STAMBPL1: variants seen among roughly 807,000 people sequenced by gnomAD.
The protein encoded by STAMBPL1 is AMSH-like protease.
Under a neutral mutation model 52.9 loss-of-function variants are expected in STAMBPL1, and 44 were observed. That is an observed-to-expected ratio of 0.83 (90% CI 0.65 to 1.07). STAMBPL1 has a LOEUF of 1.07. Among genes scored for constraint, STAMBPL1 ranks in the 50% least tolerant of loss-of-function variants. STAMBPL1 has a pLI of 0.00. For synonymous variants in STAMBPL1, 164 were observed against 177.3 expected (o/e 0.92, Z 0.60); for missense variants, 511 against 520.8 (o/e 0.98, Z 0.18).
Position 88,895,718 on chromosome 10 carries a change from C to G in STAMBPL1, c.-53-5938C>G, listed in dbSNP as rs78923869. ...GGTTAAATAAGCTGCTGTAGCACTC[C>G]CAACTAGTGATAGAAACTGGCCCCT... On this transcript the variant is annotated intron_variant, in intron 1 of 10. Transcript: ENST00000371926. 5.5e-3 allele frequency among the ~76,000 whole-genome samples: 843 copies of G among 152,260 alleles called. 19 individuals carry two copies. The highest frequency in any genetic ancestry group is 0.053 in the East Asian group (277 of 5,182).
Position 88,921,366 on chromosome 10 carries a change from T to G in STAMBPL1, c.1125T>G (p.Ile375Met), listed in dbSNP as rs1341530839. 6.2e-7 allele frequency: 1 copy of G among 1,613,264 alleles called. No homozygotes were observed. Among genetic ancestry groups the G allele is most frequent in the South Asian group, 1.1e-5 (1 of 91,070 alleles). ...CSYQLMLPEA[I>M]AIVCSPKHKD... Reference sequence around the variant, plus strand: ...ATCAACTCATGTTGCCAGAGGCCATTGCCATTGTTTGCTCACCAAAGCATA... The same window carrying G: ...ATCAACTCATGTTGCCAGAGGCCATGGCCATTGTTTGCTCACCAAAGCATA... The change falls in exon 9 of 11, where the codon ATT (isoleucine) becomes ATG (methionine). Residue 375 changes from isoleucine to methionine, a missense_variant. By Grantham distance (10) the Ile-to-Met change is conservative. Around this residue, in one of 3 missense-constraint regions of STAMBPL1, gnomAD observed 137 missense variants for 139.9 expected, o/e 0.98. Transcript: ENST00000371926.
chr10:88,913,186 A>G lies in STAMBPL1; in HGVS notation c.506A>G (p.Gln169Arg), dbSNP rs748001742. 6.2e-7 allele frequency: 1 copy of G among 1,613,854 alleles called. No homozygotes were observed. Among genetic ancestry groups the G allele is most frequent in the Admixed American group, 1.7e-5 (1 of 59,966 alleles). ...AGGAAGCGGATTGCTCAGATGCGCC[A>G]GCAGCAGCTAGAATCGGAGCAGTTT... is the stretch of plus-strand genomic sequence containing the variant. ...AERKRIAQMR[Q>R]QQLESEQFLF... The change falls in exon 6 of 11, where the codon CAG becomes CGG. Residue 169 changes from glutamine to arginine, a missense_variant. Transcript: ENST00000371926.
chr10:88,891,273 A>G (rs566165887), intron 1 of STAMBPL1, among the ~76,000 whole-genome samples: 1 of 152,346 alleles, frequency 6.6e-6, no homozygotes, highest in Non-Finnish European at 1.5e-5. Flanking sequence ...AAGAATGTTG[A>G]GAAACCTAGA....
chr10:88,908,884 C>A lies in STAMBPL1; in HGVS notation c.324+107C>A, dbSNP rs563847205. ...TTTCTCTTTCTCTTGAGAGTTTGAG[C>A]GCAAGAAATTCATTCCATTAACTAT... is the stretch of plus-strand genomic sequence containing the variant. On this transcript the variant is annotated intron_variant, in intron 4 of 10. Coordinates refer to ENST00000371926, the MANE Select transcript of STAMBPL1 (RefSeq NM_020799.4). The A allele has an allele frequency of 4.8e-5, 43 of 893,926 alleles. 1 individual carries two copies. In the South Asian group the frequency reaches 8.1e-4, roughly 17 times the overall value. The allele number at this position is 893,926 out of a possible 1,614,324, so 55.4% of individuals were successfully genotyped here.
intron 1 of STAMBPL1, among the ~76,000 whole-genome samples, chr10:88,891,360 A>C (rs1341024360): frequency 6.6e-6 from 1 of 152,202 alleles, no homozygotes; most frequent in Non-Finnish European, 1.5e-5. Context: ...CTTTCAAGCA[A>C]GAATGTCAGC....
chr10:88,908,277 C>T (rs778145901), intron 3 of STAMBPL1, among the ~76,000 whole-genome samples: 4 of 152,030 alleles, frequency 2.6e-5, no homozygotes, highest in Admixed American at 1.3e-4. Context: ...TACACGATGG[C>T]GCTGCTGATT....
intron 1 of STAMBPL1, among the ~76,000 whole-genome samples, chr10:88,888,265 G>A (rs1201001483): frequency 6.6e-6 from 1 of 152,188 alleles, no homozygotes; most frequent in Non-Finnish European, 1.5e-5. Context: ...TGAAGGGCTG[G>A]CGAGGGTTTA....
At position 88,882,622 on chromosome 10, in the gene STAMBPL1, G is replaced by C. The variant is rs190972074; in HGVS notation, c.-54+1984G>C. 1.1e-4 allele frequency: 16 copies of C among 152,262 alleles called. No individual in the cohort carries two copies. In the East Asian group the frequency reaches 1.5e-3, roughly 15 times the overall value. 9.4% of individuals were successfully genotyped at this position (152,262 alleles called of 1,614,324 possible). On this transcript the variant is annotated intron_variant, in intron 1 of 10. Transcript: ENST00000371926. ...TCCAGGAAGTGCTAGGTGCTTTCCT[G>C]GTGGGTACATTTACAAATTAGGGAC... is the stretch of plus-strand genomic sequence containing the variant.
At chr10:88,881,412 G>A (rs1274441873) in intron 1 of STAMBPL1, among the ~76,000 whole-genome samples, 2 of 152,076 alleles carry the variant, frequency 1.3e-5, no homozygotes, top group Non-Finnish European at 2.9e-5. Flanking sequence ...CCTGGGAAGT[G>A]GGGTGGGGTG....
At chr10:88,910,883 C>T in intron 4 of STAMBPL1, 33 bp from the exon 5 acceptor site, 2 of 1,437,158 alleles carry the variant, frequency 1.4e-6, no homozygotes, top group Non-Finnish European at 1.9e-6. Flanking sequence ...ATTGAAAATC[C>T]CACTAATCAA....
intron 5 of STAMBPL1, among the ~76,000 whole-genome samples, chr10:88,911,254 G>T (rs1348935302): frequency 3.9e-5 from 6 of 152,202 alleles, no homozygotes; most frequent in Admixed American, 3.9e-4. Flanking sequence ...CAGATTTCCT[G>T]CAGCGATTTA....
intron 5 of STAMBPL1, chr10:88,912,504 A>T (rs944262723): frequency 2.0e-5 from 3 of 152,124 alleles, no homozygotes; most frequent in African/African-American, 7.2e-5. Context: ...CTTATCCATA[A>T]ATTTCCAGCA....
chr10:88,899,664 C>T (rs937783569), intron 1 of STAMBPL1, among the ~76,000 whole-genome samples: 4 of 151,930 alleles, frequency 2.6e-5, no homozygotes, highest in Non-Finnish European at 5.9e-5. Context: ...CGTGCACTAC[C>T]ACGCCTGGCT....
Position 88,905,654 on chromosome 10 carries a change from T to G in STAMBPL1, c.242T>G (p.Phe81Cys). The G allele has an allele frequency of 6.2e-7, 1 of 1,613,012 alleles. No homozygotes were observed. Reference protein sequence around the residue: ...LENAFVLYNKFITLFVEKLPN... With the variant: ...LENAFVLYNKCITLFVEKLPN... ...AATGCCTTTGTTCTTTATAATAAAT[T>G]TATAACGTAAGTGTTTTAAAGGCCT... The change falls in exon 3 of 11, where the codon TTT becomes TGT. Residue 81 changes from phenylalanine to cysteine, a missense_variant. Around this residue, in one of 3 missense-constraint regions of STAMBPL1, gnomAD observed 358 missense variants for 343.5 expected, o/e 1.04. Transcript: ENST00000371926.
intron 1 of STAMBPL1, among the ~76,000 whole-genome samples, chr10:88,892,023 GA>G (rs142308349): frequency 0.03 from 4,477 of 148,188 alleles, 218 homozygotes; most frequent in African/African-American, 0.11. Flanking sequence ...CTGAAGCCAT[GA>G]AAAAAAAAGG....
intron 7 of STAMBPL1, among the ~76,000 whole-genome samples, chr10:88,915,546 T>C (rs1411619712): frequency 2.0e-5 from 3 of 152,182 alleles, no homozygotes; most frequent in African/African-American, 7.2e-5. Context: ...CCACATCGTG[T>C]TGTATTCAGA....
rs547441375 is a variant in STAMBPL1, at chr10:88,905,473, G to T, written c.61G>T (p.Asp21Tyr). The change falls in exon 3 of 11, where the codon GAT becomes TAT. Residue 21 changes from aspartate (D) to tyrosine (Y), a missense_variant. Coordinates refer to ENST00000371926, the MANE Select transcript of STAMBPL1 (RefSeq NM_020799.4). ...KKLAAMPDHTDVSLSPEERVR... is the reference protein window; with the variant it reads ...KKLAAMPDHTYVSLSPEERVR... ...GTTAGCTGCTATGCCTGACCATACA[G>T]ATGTTTCCCTAAGCCCAGAAGAGCG... 1 of 1,614,078 alleles carries T rather than the reference G, an allele frequency of 6.2e-7. No homozygotes were observed. Among genetic ancestry groups the T allele is most frequent in the African/African-American group, 1.3e-5 (1 of 75,030 alleles).
At position 88,922,339 on chromosome 10, in the gene STAMBPL1, C is replaced by T. The variant is rs1485379932; in HGVS notation, c.1157C>T (p.Thr386Ile). 6.2e-7 allele frequency: 1 copy of T among 1,613,166 alleles called. No individual in the cohort carries two copies. The highest frequency in any genetic ancestry group is 8.5e-7 in the Non-Finnish European group (1 of 1,179,474). The change falls in exon 10 of 11, where the codon ACT (threonine) becomes ATT (isoleucine). Residue 386 changes from threonine to isoleucine, a missense_variant and splice_region_variant. Coordinates refer to ENST00000371926, the MANE Select transcript of STAMBPL1 (RefSeq NM_020799.4). ...AIVCSPKHKD[T>I]GIFRLTNAGM... ...CTTGTTTTTGCTCTGAAATTTAGCA[C>T]TGGCATCTTCAGGCTCACCAATGCT...
chr10:88,915,320 G>A (rs766881274), intron 7 of STAMBPL1, among the ~76,000 whole-genome samples: 10 of 152,094 alleles, frequency 6.6e-5, no homozygotes, highest in African/African-American at 9.7e-5. Context: ...CTGGGTCCAG[G>A]TATATTTTCA....
Sources: gnomAD v4.1 joint callset for allele counts (sites outside exome capture counted in the v4.1 genomes callset) on GRCh38, gnomAD v4.1.1 for gene constraint, gnomAD v4.1.1 regional missense constraint, MANE v1.5 for transcripts, NCBI Gene and HGNC (gene_info 2026-07-23, HGNC 2026-07-21) for gene names.